Variants in SNAP47 observed in about 807,000 individuals in gnomAD.
SNAP47 encodes the protein synaptosomal-associated protein 47.
A neutral mutation model predicts 31.4 loss-of-function variants in SNAP47; 20 were observed. That is an observed-to-expected ratio of 0.64 (90% CI 0.45 to 0.93). The LOEUF (loss-of-function observed/expected upper bound fraction) is 0.93, where lower values mean the gene tolerates loss of function less well. Among genes scored for constraint, SNAP47 ranks in the 40% least tolerant of loss-of-function variants. The probability of loss-of-function intolerance (pLI) is 0.00; values close to 1 mark genes in which losing one functional copy is unlikely to be tolerated. For missense variants in SNAP47, 492 were observed against 528.5 expected (o/e 0.93, Z 0.68); for synonymous variants, 194 against 213.4 (o/e 0.91, Z 0.79).
intron 1 of SNAP47, among the ~76,000 whole-genome samples, chr1:227,736,686 G>GTTTTTTTTTTTTTTTTTTTTT (rs112159513): frequency 4.5e-5 from 5 of 110,918 alleles, no homozygotes; most frequent in South Asian, 3.1e-4. Context: ...TTTTGTTTTT[G>GTTTTTTTTTTTTTTTTTTTTT]TTTTTTTTTT....
intron 4 of SNAP47, chr1:227,776,400 G>T: frequency 3.0e-6 from 3 of 986,772 alleles, no homozygotes; most frequent in Non-Finnish European, 3.6e-6. Flanking sequence ...TGGCTGGAAG[G>T]AAGGCTGGTT....
chr1:227,737,246 C>T (rs1167957622), intron 1 of SNAP47, among the ~76,000 whole-genome samples: 2 of 152,228 alleles, frequency 1.3e-5, no homozygotes, highest in Non-Finnish European at 2.9e-5. Flanking sequence ...GCCCCCGAAG[C>T]CTGGCAGGCT....
chr1:227,774,085 C>T (rs1664009717), intron 4 of SNAP47, among the ~76,000 whole-genome samples: 2 of 152,320 alleles, frequency 1.3e-5, no homozygotes, highest in African/African-American at 4.8e-5. Flanking sequence ...TTGAGGGCTG[C>T]CTCCCAGTCC....
At chr1:227,744,543 T>C (rs1025147891) in intron 1 of SNAP47, among the ~76,000 whole-genome samples, 7 of 151,874 alleles carry the variant, frequency 4.6e-5, no homozygotes, top group African/African-American at 1.7e-4. Context: ...TGAAGTTTCC[T>C]CCCCCTCCTC....
At chr1:227,761,816 G>A (rs1252357500) in intron 3 of SNAP47, among the ~76,000 whole-genome samples, 1 of 152,158 alleles carries the variant, frequency 6.6e-6, no homozygotes, top group Admixed American at 6.5e-5. Context: ...TGTGTTTAGT[G>A]GCCCTGCCAT....
At chr1:227,738,295 C>T (rs1312197317) in intron 1 of SNAP47, among the ~76,000 whole-genome samples, 6 of 152,212 alleles carry the variant, frequency 3.9e-5, no homozygotes, top group African/African-American at 1.4e-4. Context: ...CCGACTCGGC[C>T]TCCCAAAGTG....
intron 2 of SNAP47, 120 bp downstream of exon 2, chr1:227,748,353 C>G: frequency 1.8e-6 from 2 of 1,140,196 alleles, no homozygotes; most frequent in Non-Finnish European, 2.4e-6. Context: ...ATTCTGAGAT[C>G]CTGGCTGTGC....
At chr1:227,732,875 C>A, upstream of SNAP47, 3 of 1,612,372 alleles carry the variant, frequency 1.9e-6, no homozygotes, top group Admixed American at 3.3e-5. Context: ...TGCGTAGCCA[C>A]CCCACCTGGC....
At chr1:227,733,774 G>A (rs1224352053), upstream of SNAP47, 3 of 1,584,164 alleles carry the variant, frequency 1.9e-6, no homozygotes, top group Non-Finnish European at 2.6e-6. Context: ...AAGGAGGGGT[G>A]GCCCCTTGGT....
At chr1:227,750,872 A>G (rs556653174) in intron 2 of SNAP47, among the ~76,000 whole-genome samples, 7 of 152,318 alleles carry the variant, frequency 4.6e-5, no homozygotes, top group Admixed American at 6.5e-5. Flanking sequence ...GCCACATGGC[A>G]TCAGTGCCAG....
At chr1:227,751,744 G>GTTTTTTTTTTTTTTTTTTTTTTTTT (rs540732076) in intron 2 of SNAP47, among the ~76,000 whole-genome samples, 1 of 69,138 alleles carries the variant, frequency 1.4e-5, no homozygotes, top group Admixed American at 2.0e-4. Context: ...TAAAGACTTG[G>GTTTTTTTTTTTTTTTTTTTTTTTTT]TTTTTTTTTT....
intron 1 of SNAP47, among the ~76,000 whole-genome samples, chr1:227,736,830 AG>A (rs1305408904): frequency 2.6e-5 from 4 of 151,286 alleles, no homozygotes; most frequent in Non-Finnish European, 5.9e-5. Context: ...CCCTGCCTAG[AG>A]GTTTTGTTAG....
intron 4 of SNAP47, among the ~76,000 whole-genome samples, chr1:227,780,098 T>A (rs1169587076): frequency 6.6e-6 from 1 of 152,116 alleles, no homozygotes; most frequent in Non-Finnish European, 1.5e-5. Context: ...TGCAGACAGG[T>A]CTCACCCAGC....
intron 3 of SNAP47, among the ~76,000 whole-genome samples, chr1:227,760,359 C>T (rs542609322): frequency 3.3e-5 from 5 of 152,312 alleles, no homozygotes; most frequent in African/African-American, 7.2e-5. Flanking sequence ...CCTAGCCTGG[C>T]GCCCAAACAT....
Position 227,776,982 on chromosome 1 carries a change from C to A in SNAP47, c.1114-3545C>A, listed in dbSNP as rs1664198252. 1.1e-5 allele frequency: 11 copies of A among 985,294 alleles called. No homozygotes were observed. In the South Asian group the frequency reaches 5.2e-4, roughly 46 times the overall value. The allele number at this position is 985,294 out of a possible 1,614,324, so 61.0% of individuals were successfully genotyped here. A position where few individuals can be genotyped will look rare whatever the true frequency, so the allele number is the denominator to read the frequency against. On this transcript the variant is annotated intron_variant, in intron 4 of 4. Coordinates refer to ENST00000617596, the MANE Select transcript of SNAP47 (RefSeq NM_053052.4). ...CGCTTCTATAGGCAGATCAGCTGGT[C>A]TTAGTCACAAATAAATTGTGCATAT...
chr1:227,759,641 A>G (rs1277945432), intron 3 of SNAP47, 156 bp downstream of exon 3: 1 of 904,570 alleles, frequency 1.1e-6, no homozygotes, highest in African/African-American at 1.7e-5. Flanking sequence ...ACATAAAAAC[A>G]ATTCCAGACC....
intron 4 of SNAP47, chr1:227,776,241 C>A: frequency 9.4e-7 from 1 of 1,063,302 alleles, no homozygotes; most frequent in Non-Finnish European, 1.1e-6. Context: ...ACACTTCTAT[C>A]AGGTCTGGCT....
chr1:227,732,640 C>T (rs1660739354), upstream of SNAP47: 1 of 1,613,328 alleles, frequency 6.2e-7, no homozygotes, highest in African/African-American at 1.3e-5. Context: ...TGGTAAAACT[C>T]TTCAAAGTTG....
At chr1:227,771,068 G>A (rs1405348377) in intron 4 of SNAP47, among the ~76,000 whole-genome samples, 1 of 152,322 alleles carries the variant, frequency 6.6e-6, no homozygotes, top group Non-Finnish European at 1.5e-5. Flanking sequence ...CCCACCCTCC[G>A]AGGCTAGCCA....
Sources: gnomAD v4.1 joint callset for allele counts (sites outside exome capture counted in the v4.1 genomes callset) on GRCh38, gnomAD v4.1.1 for gene constraint, MANE v1.5 for transcripts, NCBI Gene and HGNC (gene_info 2026-07-23, HGNC 2026-07-21) for gene names.